ABAT: variants seen among roughly 807,000 people sequenced by gnomAD.
ABAT encodes the protein 4-aminobutyrate aminotransferase, mitochondrial.
In ABAT, 45 loss-of-function variants were observed where a neutral mutation model predicts 64.6. The ratio of observed to expected loss-of-function variants is 0.70; its 90% CI spans 0.55 to 0.89. The LOEUF (loss-of-function observed/expected upper bound fraction) is 0.89, where lower values mean the gene tolerates loss of function less well. ABAT is among the 40% of genes least tolerant of loss of function. The probability of loss-of-function intolerance (pLI) is 0.00; values close to 1 mark genes in which losing one functional copy is unlikely to be tolerated. For synonymous variants in ABAT, 297 were observed against 250.5 expected, an observed-to-expected ratio of 1.19 and a Z score of -1.75; for missense variants, 633 against 658.4, an observed-to-expected ratio of 0.96 and a Z score of 0.42.
rs1479781144 is a variant in ABAT at position 8,764,904 on chromosome 16, G to T, written c.540+74G>T. On this transcript the variant is annotated intron_variant, in intron 8 of 15. Coordinates refer to ENST00000268251, the MANE Select transcript of ABAT (RefSeq NM_020686.6). This position sits in a 1 kb window ranked among gnomAD's most constrained non-coding sequence, Gnocchi z 4.2. ...CCAGCCACACGCTCACCCCTTGTCT[G>T]ACTGTTCATTCCAATGGGCTGGAGT... 1.2e-5 allele frequency: 16 copies of T among 1,339,876 alleles called. No individual in the cohort carries two copies. The Middle Eastern group carries it at 1.4e-3, about 119-fold the overall frequency. 83.0% of individuals were successfully genotyped at this position (1,339,876 alleles called of 1,614,324 possible).
intron 5 of ABAT, among the ~76,000 whole-genome samples, chr16:8,752,676 A>G (rs1193511153): frequency 6.6e-6 from 1 of 152,112 alleles, no homozygotes; most frequent in Admixed American, 6.6e-5. Flanking sequence ...CTCAGTCAGG[A>G]GGATCTCTGG....
At chr16:8,772,737 C>T (rs1467339650) in intron 11 of ABAT, 43 bp from the exon 12 acceptor site, 1 of 1,613,744 alleles carries the variant, frequency 6.2e-7, no homozygotes, top group South Asian at 1.1e-5. Flanking sequence ...ATACTGGTCA[C>T]AAGCCTCTGC....
Position 8,724,936 on chromosome 16 carries a change from A to G in ABAT, c.-41-10763A>G, listed in dbSNP as rs1045105237. On this transcript the variant is annotated intron_variant, in intron 1 of 15. Transcript: ENST00000268251. ...CTCTTTTTTCTTTTTTTTTTTTTTG[A>G]GATGGAGTCTCACTCTGTTGCCCAG... 2.4e-5 allele frequency among the ~76,000 whole-genome samples: 3 copies of G among 126,824 alleles called. No homozygotes were observed. In the East Asian group the frequency reaches 6.8e-4, roughly 29 times the overall value. 83.2% of individuals were successfully genotyped at this position (126,824 alleles called of 152,430 possible). A position where few individuals can be genotyped will look rare whatever the true frequency, so the allele number is the denominator to read the frequency against.
intron 1 of ABAT, among the ~76,000 whole-genome samples, chr16:8,701,128 G>T (rs1193069991): frequency 6.6e-6 from 1 of 152,056 alleles, no homozygotes; most frequent in Admixed American, 6.6e-5. Context: ...AGTAGAGACG[G>T]GGTTTCACCC....
At chr16:8,766,671 A>G (rs972342676) in intron 9 of ABAT, among the ~76,000 whole-genome samples, 1 of 149,596 alleles carries the variant, frequency 6.7e-6, no homozygotes, top group Non-Finnish European at 1.5e-5. Flanking sequence ...ACAAAAAAAC[A>G]AAAACAAAAA....
At chr16:8,778,518 T>A (rs951066999) in intron 14 of ABAT, among the ~76,000 whole-genome samples, 1 of 152,168 alleles carries the variant, frequency 6.6e-6, no homozygotes, top group Non-Finnish European at 1.5e-5. Context: ...CTCACACCTG[T>A]AATCCCAGCA....
At chr16:8,757,557 G>T (rs746173518) in intron 5 of ABAT, among the ~76,000 whole-genome samples, 200 bp from the exon 6 acceptor site, 6 of 152,176 alleles carry the variant, frequency 3.9e-5, no homozygotes, top group Non-Finnish European at 7.4e-5. Context: ...GGATTTCTAG[G>T]CTGCCCCTTG....
intron 1 of ABAT, among the ~76,000 whole-genome samples, chr16:8,731,998 A>G (rs2142326710): frequency 6.6e-6 from 1 of 151,820 alleles, no homozygotes; most frequent in East Asian, 1.9e-4. Flanking sequence ...GGATTACAGG[A>G]GCTCACAACC....
In ABAT at chr16:8,766,220, G is replaced by A. The variant is rs1338157862; in HGVS notation, c.553G>A (p.Gly185Arg). 6.2e-7 allele frequency: 1 copy of A among 1,614,008 alleles called. No homozygotes were observed. The highest frequency in any genetic ancestry group is 8.5e-7 in the Non-Finnish European group (1 of 1,179,902). The change falls in exon 9 of 16, where the codon GGG becomes AGG. Residue 185 changes from glycine (G) to arginine (R), a missense_variant. Gly to Arg is a moderately radical substitution (Grantham distance 125). Transcript: ENST00000268251. ...IFMWYRSKER[G>R]QRGFSQEELE... ...TCTATTGTTTCAGAGCAAGGAAAGA[G>A]GGCAGAGGGGCTTCTCCCAGGAGGA... is the stretch of plus-strand genomic sequence containing the variant.
At chr16:8,747,782 C>G (rs75827318) in intron 3 of ABAT, among the ~76,000 whole-genome samples, 4,618 of 151,824 alleles carry the variant, frequency 0.03, 219 homozygotes, top group African/African-American at 0.1. Context: ...ACCTTTTTTC[C>G]CCTAAATAAC....
At chr16:8,767,128 G>C (rs529013734) in intron 9 of ABAT, among the ~76,000 whole-genome samples, 10 of 152,290 alleles carry the variant, frequency 6.6e-5, no homozygotes, top group African/African-American at 2.2e-4. Flanking sequence ...TCCCTCTGAG[G>C]CACCTCCAGC....
intron 1 of ABAT, among the ~76,000 whole-genome samples, chr16:8,684,429 C>T (rs943961482): frequency 2.0e-5 from 3 of 152,010 alleles, no homozygotes; most frequent in African/African-American, 7.3e-5. Flanking sequence ...TAAAATTAGC[C>T]GGGCATGGTG....
At chr16:8,768,351 T>G in intron 10 of ABAT, 95 bp downstream of exon 10, 1 of 1,264,898 alleles carries the variant, frequency 7.9e-7, no homozygotes, top group African/African-American at 1.7e-5. Context: ...TTACACATAT[T>G]GTCCCACTGA....
chr16:8,685,192 A>G (rs574348089), intron 1 of ABAT, among the ~76,000 whole-genome samples: 86 of 152,182 alleles, frequency 5.7e-4, no homozygotes, highest in African/African-American at 1.9e-3. Flanking sequence ...AGGCTGAGGC[A>G]CAAGAATCAC....
intron 4 of ABAT, among the ~76,000 whole-genome samples, chr16:8,749,424 A>AGTC (rs1206140710): frequency 1.8e-5 from 1 of 56,534 alleles, no homozygotes; most frequent in Non-Finnish European, 3.3e-5. Flanking sequence ...TTTGAGATGA[A>AGTC]GTCTCACTCT....
chr16:8,684,069 A>AT, intron 1 of ABAT, among the ~76,000 whole-genome samples: 1 of 152,200 alleles, frequency 6.6e-6, no homozygotes, highest in African/African-American at 2.4e-5. Context: ...AGGACCACAC[A>AT]GTGAGGAGAG....
intron 1 of ABAT, among the ~76,000 whole-genome samples, chr16:8,718,857 G>C (rs2058285244): frequency 6.6e-6 from 1 of 152,218 alleles, no homozygotes; most frequent in South Asian, 2.1e-4. Context: ...GAAAAGTTAA[G>C]GTCTTTGCAA....
At chr16:8,762,677 C>A (rs1486053558) in intron 6 of ABAT, among the ~76,000 whole-genome samples, 2 of 152,214 alleles carry the variant, frequency 1.3e-5, no homozygotes, top group Non-Finnish European at 2.9e-5. Context: ...GGCTGTCAAG[C>A]TGCCAGCCAG....
intron 1 of ABAT, chr16:8,722,739 G>C: frequency 8.8e-7 from 1 of 1,137,422 alleles, no homozygotes; most frequent in Admixed American, 2.4e-5. Flanking sequence ...CTTCTAACCA[G>C]GAATCCTTCA....
Sources: gnomAD v4.1 joint callset for allele counts (sites outside exome capture counted in the v4.1 genomes callset) on GRCh38, gnomAD v4.1.1 for gene constraint, Gnocchi (gnomAD v3.1) non-coding constraint, MANE v1.5 for transcripts, NCBI Gene and HGNC (gene_info 2026-07-23, HGNC 2026-07-21) for gene names.